The following PTPRT variants were observed in gnomAD, a reference collection of about 807,000 sequenced individuals.
PTPRT encodes receptor-type tyrosine-protein phosphatase T.
PTPRT carries 56 observed loss-of-function variants against 176.8 expected under a neutral mutation model. That is an observed-to-expected ratio of 0.32 (90% CI 0.26 to 0.40). The LOEUF (loss-of-function observed/expected upper bound fraction) is 0.40. PTPRT is among the 10% of genes least tolerant of loss of function. The probability of loss-of-function intolerance (pLI) is 1.00; values close to 1 mark genes in which losing one functional copy is unlikely to be tolerated. For synonymous variants in PTPRT, 783 were observed against 739.0 expected (o/e 1.06, Z -0.96); for missense variants, 1,540 against 1,908.2 (o/e 0.81, Z 3.60).
chr20:42,896,635 C>CA (rs58679220), intron 1 of PTPRT, among the ~76,000 whole-genome samples: 5,764 of 71,914 alleles, frequency 0.08, 203 homozygotes, highest in African/African-American at 0.098. Context: ...AACTCCGTCT[C>CA]AAAAAAAAAA....
intron 7 of PTPRT, among the ~76,000 whole-genome samples, chr20:42,643,003 C>T (rs905782754): frequency 5.9e-5 from 9 of 152,144 alleles, no homozygotes; most frequent in Non-Finnish European, 7.3e-5. Context: ...CGAGAAGACA[C>T]CCCAAGGCCA....
intron 9 of PTPRT, among the ~76,000 whole-genome samples, chr20:42,436,240 A>G (rs1432068371): frequency 6.6e-6 from 1 of 152,204 alleles, no homozygotes; most frequent in Non-Finnish European, 1.5e-5. Context: ...ACAAAGTGAT[A>G]AAATTGGCTA....
intron 7 of PTPRT, among the ~76,000 whole-genome samples, chr20:42,627,239 G>A (rs1161044103): frequency 6.6e-6 from 1 of 151,684 alleles, no homozygotes; most frequent in Non-Finnish European, 1.5e-5. Context: ...CACTAATGTG[G>A]TAGGCAGACT....
chr20:42,207,436 G>A (rs371688653), intron 15 of PTPRT, among the ~76,000 whole-genome samples: 3 of 112,114 alleles, frequency 2.7e-5, no homozygotes, highest in Non-Finnish European at 5.4e-5. Flanking sequence ...CCAATACAGA[G>A]AAGTGCTTAA....
chr20:42,724,726 A>G (rs1393149102), intron 6 of PTPRT, among the ~76,000 whole-genome samples: 2 of 152,140 alleles, frequency 1.3e-5, no homozygotes, highest in East Asian at 3.9e-4. Context: ...TGAGGCCAGG[A>G]GCTCAAGGCT....
Position 42,617,444 on chromosome 20 carries a change from C to G in PTPRT, c.1153+60422G>C, listed in dbSNP as rs1338496051. Reference sequence around the variant, plus strand: ...GCCCGGCTTTGGTATCAGAATGATGCTGGCCTCATAAAATGAGTTAGGGAG... The same window carrying G: ...GCCCGGCTTTGGTATCAGAATGATGGTGGCCTCATAAAATGAGTTAGGGAG... On this transcript the variant is annotated intron_variant, in intron 7 of 30. Transcript: ENST00000373187. Among the ~76,000 whole-genome samples the G allele has an allele frequency of 1.5e-5, 2 of 132,428 alleles. 1 individual carries two copies. The highest frequency in any genetic ancestry group is 7.0e-5 in the African/African-American group (2 of 28,640). 86.9% of individuals were successfully genotyped at this position (132,428 alleles called of 152,430 possible). A position where few individuals can be genotyped will look rare whatever the true frequency, so the allele number is the denominator to read the frequency against.
rs147965257 is a variant in PTPRT at position 43,043,435 on chromosome 20, T to C, written c.88+146211A>G. Among the ~76,000 whole-genome samples the C allele has an allele frequency of 7.9e-5, 12 of 152,308 alleles. No homozygotes were observed. The East Asian group carries it at 1.3e-3, about 17-fold the overall frequency. On this transcript the variant is annotated intron_variant, in intron 1 of 30. Transcript: ENST00000373187. ...CAATAGTTAGTATTAACAGATTTTA[T>C]TGTGTGCTAGATATAAGCTAAATAA...
rs573789695 is a variant in PTPRT, at chr20:42,513,332, A to G, written c.1154-40770T>C. On this transcript the variant is annotated intron_variant, in intron 7 of 30. Coordinates refer to ENST00000373187, the MANE Select transcript of PTPRT (RefSeq NM_007050.6). The stretch of plus-strand genomic sequence containing the variant: ...AATTTTGTTAATTTCTGGATACCCA[A>G]TTTTCTTTCTTCTACTTTTTTCAGT... 3.3e-5 allele frequency among the ~76,000 whole-genome samples: 5 copies of G among 151,184 alleles called. No homozygotes were observed. The South Asian group carries it at 1.0e-3, about 32-fold the overall frequency.
intron 9 of PTPRT, among the ~76,000 whole-genome samples, chr20:42,382,443 T>C (rs1200589723): frequency 6.6e-6 from 1 of 152,206 alleles, no homozygotes; most frequent in Non-Finnish European, 1.5e-5. Context: ...GGCAGACTGC[T>C]TCCAGATCCC....
intron 7 of PTPRT, among the ~76,000 whole-genome samples, chr20:42,635,117 T>C (rs985543883): frequency 6.6e-6 from 1 of 152,114 alleles, no homozygotes; most frequent in African/African-American, 2.4e-5. Flanking sequence ...AAAAAAATAT[T>C]TTTCAGAAAG....
chr20:42,112,609 G>T (rs955807614), intron 22 of PTPRT, among the ~76,000 whole-genome samples: 2 of 152,120 alleles, frequency 1.3e-5, no homozygotes, highest in African/African-American at 4.8e-5. Flanking sequence ...ATGTTCCAGG[G>T]CTCCCATGGG....
intron 1 of PTPRT, among the ~76,000 whole-genome samples, chr20:43,134,851 AG>A (rs2146387600): frequency 6.6e-6 from 1 of 152,318 alleles, no homozygotes; most frequent in East Asian, 1.9e-4. Context: ...TGTTAGACTA[AG>A]GGTTTATTAA....
chr20:42,062,738 A>G, the PTPRT span, among the ~76,000 whole-genome samples: 1 of 152,122 alleles, frequency 6.6e-6, no homozygotes, highest in Non-Finnish European at 1.5e-5. Context: ...CCTTTGGCCT[A>G]TACCACTGTT....
At chr20:42,180,219 T>C (rs1681676939) in intron 16 of PTPRT, among the ~76,000 whole-genome samples, 1 of 152,158 alleles carries the variant, frequency 6.6e-6, no homozygotes, top group African/African-American at 2.4e-5. Context: ...GAGAAGTCCA[T>C]ATTTCTTATG....
intron 1 of PTPRT, among the ~76,000 whole-genome samples, chr20:43,155,866 C>T (rs962307875): frequency 3.3e-5 from 5 of 152,088 alleles, no homozygotes; most frequent in Non-Finnish European, 5.9e-5. Flanking sequence ...AAATTGGTTT[C>T]TCACTCTTCA....
intron 1 of PTPRT, among the ~76,000 whole-genome samples, chr20:43,177,018 T>G (rs1229831272): frequency 4.6e-5 from 7 of 152,202 alleles, no homozygotes; most frequent in Non-Finnish European, 7.3e-5. Flanking sequence ...CCTGTATTTT[T>G]GGCTAAATAA....
At chr20:42,284,454 A>C (rs1218855264) in intron 12 of PTPRT, among the ~76,000 whole-genome samples, 1 of 152,042 alleles carries the variant, frequency 6.6e-6, no homozygotes, top group Non-Finnish European at 1.5e-5. Flanking sequence ...ACAAGCTGAA[A>C]ATTTTTAGAA....
chr20:42,938,803 T>G (rs1031304301), intron 1 of PTPRT, among the ~76,000 whole-genome samples: 1 of 152,238 alleles, frequency 6.6e-6, no homozygotes, highest in Non-Finnish European at 1.5e-5. Flanking sequence ...CAATAGTTCC[T>G]GTGTCTTAAG....
chr20:42,443,738 T>C (rs976188816), intron 9 of PTPRT, among the ~76,000 whole-genome samples: 1 of 152,096 alleles, frequency 6.6e-6, no homozygotes, highest in African/African-American at 2.4e-5. Context: ...GGTCCATGGC[T>C]CCAGGGTGCT....
Sources: gnomAD v4.1 joint callset for allele counts (sites outside exome capture counted in the v4.1 genomes callset) on GRCh38, gnomAD v4.1.1 for gene constraint, MANE v1.5 for transcripts, NCBI Gene and HGNC (gene_info 2026-07-23, HGNC 2026-07-21) for gene names.